The following TMEM132D variants were observed in gnomAD, a reference collection of about 807,000 sequenced individuals.
TMEM132D encodes the protein mature OL transmembrane protein.
Under a neutral mutation model 62.3 loss-of-function variants are expected in TMEM132D, and 21 were observed. The observed-to-expected ratio is 0.34, with a 90% CI of 0.24 to 0.49. TMEM132D has a LOEUF of 0.49. TMEM132D is among the 20% of genes least tolerant of loss of function. TMEM132D has a pLI of 0.99. For missense variants in TMEM132D, 1,346 were observed against 1,402.8 expected (o/e 0.96, Z 0.65); for synonymous variants, 621 against 575.6 (o/e 1.08, Z -1.13).
At chr12:129,705,637 T>C (rs564998658) in intron 1 of TMEM132D, among the ~76,000 whole-genome samples, 15 of 152,240 alleles carry the variant, frequency 9.9e-5, no homozygotes, top group African/African-American at 2.9e-4. Flanking sequence ...AAAAGAACAC[T>C]GAAGCTTATT....
At chr12:129,451,509 A>G (rs1873286355) in intron 3 of TMEM132D, among the ~76,000 whole-genome samples, 1 of 152,252 alleles carries the variant, frequency 6.6e-6, no homozygotes, top group South Asian at 2.1e-4. Flanking sequence ...ATGTAAATTA[A>G]TGAAATGTTG....
chr12:129,312,732 G>A (rs1048353604), intron 4 of TMEM132D, among the ~76,000 whole-genome samples: 2 of 152,034 alleles, frequency 1.3e-5, no homozygotes, highest in Non-Finnish European at 2.9e-5. Context: ...CACTATGGCC[G>A]GTACTTGAAC....
At chr12:129,079,250 A>G (rs1425770729) in intron 7 of TMEM132D, among the ~76,000 whole-genome samples, 1 of 152,196 alleles carries the variant, frequency 6.6e-6, no homozygotes, top group Admixed American at 6.5e-5. Flanking sequence ...CATCTCAATC[A>G]CGCGTGTCAC....
chr12:129,204,961 G>A (rs754757865), intron 5 of TMEM132D, among the ~76,000 whole-genome samples: 5 of 152,106 alleles, frequency 3.3e-5, no homozygotes, highest in Admixed American at 1.3e-4. Flanking sequence ...CCCTTTTTCA[G>A]GCAAGCAAGT....
chr12:129,473,336 T>TTTG lies in TMEM132D; in HGVS notation c.1115+57722_1115+57723insCAA, dbSNP rs1167597108. Reference sequence around the variant, plus strand: ...GATTTTAGTTTTTGTTTTTTTTTTTTTTTTTTTTTTGAGACCAAGTCTTGC... The same window carrying TTTG: ...GATTTTAGTTTTTGTTTTTTTTTTTTTTGTTTTTTTTTTGAGACCAAGTCTTGC... On this transcript the variant is annotated intron_variant, in intron 3 of 8. Coordinates refer to ENST00000422113, the MANE Select transcript of TMEM132D (RefSeq NM_133448.3). Among the ~76,000 whole-genome samples the TTTG allele has an allele frequency of 4.7e-4, 65 of 139,362 alleles. 2 individuals carry two copies. The highest frequency in any genetic ancestry group is 3.5e-3 in the Middle Eastern group (1 of 286). The allele number at this position is 139,362 out of a possible 152,430, so 91.4% of individuals were successfully genotyped here. A position where few individuals can be genotyped will look rare whatever the true frequency, so the allele number is the denominator to read the frequency against.
intron 2 of TMEM132D, among the ~76,000 whole-genome samples, chr12:129,668,121 A>T (rs549211851): frequency 6.6e-6 from 1 of 151,442 alleles, no homozygotes; most frequent in South Asian, 2.1e-4. Flanking sequence ...TTTCAAATAG[A>T]AAAGCGAATG....
intron 3 of TMEM132D, among the ~76,000 whole-genome samples, chr12:129,399,375 C>T (rs1272506762): frequency 1.3e-5 from 2 of 152,136 alleles, no homozygotes; most frequent in African/African-American, 2.4e-5. Flanking sequence ...AATAGCTAAC[C>T]CACTCCCATG....
chr12:129,449,879 A>G (rs746940580), intron 3 of TMEM132D, among the ~76,000 whole-genome samples: 7 of 152,230 alleles, frequency 4.6e-5, no homozygotes, highest in Non-Finnish European at 1.0e-4. Flanking sequence ...GTTTGAAGTG[A>G]GTCCGTGGGT....
chr12:129,554,706 G>A (rs890941061), intron 2 of TMEM132D, among the ~76,000 whole-genome samples: 20 of 152,054 alleles, frequency 1.3e-4, no homozygotes, highest in African/African-American at 4.1e-4. Context: ...TTCCTTTATT[G>A]GGAAGATAAA....
intron 1 of TMEM132D, among the ~76,000 whole-genome samples, chr12:129,799,959 C>T (rs1487439841): frequency 2.0e-5 from 3 of 152,134 alleles, no homozygotes; most frequent in Admixed American, 1.3e-4. Flanking sequence ...GAGATGGTGG[C>T]ACAGAAATAC....
intron 4 of TMEM132D, among the ~76,000 whole-genome samples, chr12:129,223,123 C>A (rs982743521): frequency 2.0e-5 from 3 of 152,112 alleles, no homozygotes; most frequent in African/African-American, 7.2e-5. Context: ...GATTCTTCGA[C>A]ATTCCTGCCA....
chr12:129,696,195 T>C (rs1014784148), intron 2 of TMEM132D, among the ~76,000 whole-genome samples: 6 of 152,204 alleles, frequency 3.9e-5, no homozygotes, highest in African/African-American at 1.2e-4. Context: ...CAGGCTCACT[T>C]CTGCCCTTTG....
chr12:129,845,693 AT>A (rs1467203435), intron 1 of TMEM132D, among the ~76,000 whole-genome samples: 1 of 152,236 alleles, frequency 6.6e-6, no homozygotes, highest in Non-Finnish European at 1.5e-5. Context: ...TCAAATCAAA[AT>A]GACACAGGGC....
chr12:129,368,207 T>C (rs758118560), intron 3 of TMEM132D, among the ~76,000 whole-genome samples: 6 of 152,192 alleles, frequency 3.9e-5, no homozygotes, highest in Non-Finnish European at 5.9e-5. Flanking sequence ...GTCTGTCATA[T>C]GCAGTTAAAA....
intron 2 of TMEM132D, among the ~76,000 whole-genome samples, chr12:129,622,973 T>C (rs2137160787): frequency 6.6e-6 from 1 of 152,240 alleles, no homozygotes; most frequent in East Asian, 1.9e-4. Flanking sequence ...TCTCTCCAGA[T>C]ACGAGGTAAT....
chr12:129,619,459 A>G (rs1879006158), intron 2 of TMEM132D, among the ~76,000 whole-genome samples: 1 of 152,222 alleles, frequency 6.6e-6, no homozygotes, highest in East Asian at 1.9e-4. Flanking sequence ...CTAATTAAAT[A>G]TGGGAACACT....
In TMEM132D at chr12:129,326,030, G is replaced by C. The variant is rs574933386; in HGVS notation, c.1299+11604C>G. Among the ~76,000 whole-genome samples the C allele has an allele frequency of 3.3e-5, 5 of 152,280 alleles. No individual in the cohort carries two copies. The South Asian group carries it at 1.0e-3, about 32-fold the overall frequency. ...TGAAAGGATGGAAGGCTACACCATC[G>C]GGAGGCTTCGCTCATGACAGGGATT... is the stretch of plus-strand genomic sequence containing the variant. On this transcript the variant is annotated intron_variant, in intron 4 of 8. Coordinates refer to ENST00000422113, the MANE Select transcript of TMEM132D (RefSeq NM_133448.3).
chr12:129,299,324 C>T (rs1383774620), intron 4 of TMEM132D, among the ~76,000 whole-genome samples: 2 of 151,890 alleles, frequency 1.3e-5, no homozygotes, highest in African/African-American at 4.8e-5. Context: ...GCTGATGATA[C>T]TGTTGGAGCT....
chr12:129,662,425 C>A (rs1354967412), intron 2 of TMEM132D, among the ~76,000 whole-genome samples: 1 of 152,130 alleles, frequency 6.6e-6, no homozygotes, highest in Non-Finnish European at 1.5e-5. Context: ...GGCTAATGAC[C>A]TATGTGGATA....
Sources: gnomAD v4.1 joint callset for allele counts (sites outside exome capture counted in the v4.1 genomes callset) on GRCh38, gnomAD v4.1.1 for gene constraint, MANE v1.5 for transcripts, NCBI Gene and HGNC (gene_info 2026-07-23, HGNC 2026-07-21) for gene names.